The following CLASP1 variants were observed in gnomAD, a reference collection of about 807,000 sequenced individuals.
The protein encoded by CLASP1 is CLIP-associating protein 1.
In CLASP1, 38 loss-of-function variants were observed where a neutral mutation model predicts 192.3. The ratio of observed to expected loss-of-function variants is 0.20; its 90% CI spans 0.15 to 0.26. CLASP1 has a LOEUF of 0.26. Among genes scored for constraint, CLASP1 ranks in the 10% least tolerant of loss-of-function variants. The pLI is 1.00. For synonymous variants in CLASP1, 691 were observed against 712.8 expected (o/e 0.97, Z 0.49); for missense variants, 1,433 against 1,932.5 (o/e 0.74, Z 4.85).
chr2:121,558,553 G>T (rs1464997060), intron 2 of CLASP1, among the ~76,000 whole-genome samples: 3 of 152,164 alleles, frequency 2.0e-5, no homozygotes, highest in Admixed American at 6.5e-5. Context: ...AAGAGGAAGA[G>T]AAACCTGAGC....
At chr2:121,524,281 G>A (rs553238079) in intron 6 of CLASP1, among the ~76,000 whole-genome samples, 11 of 151,940 alleles carry the variant, frequency 7.2e-5, no homozygotes, top group African/African-American at 9.7e-5. Context: ...TTTTTCCCAC[G>A]GAAAACAAAA....
chr2:121,500,675 AAAG>A (rs1384470058), intron 8 of CLASP1, among the ~76,000 whole-genome samples: 1 of 152,226 alleles, frequency 6.6e-6, no homozygotes, highest in Non-Finnish European at 1.5e-5. Context: ...AATTTACTGT[AAAG>A]AGATGAAAAT....
intron 25 of CLASP1, among the ~76,000 whole-genome samples, chr2:121,406,704 C>T (rs1013223031): frequency 6.6e-6 from 1 of 152,132 alleles, no homozygotes; most frequent in African/African-American, 2.4e-5. Context: ...ATCCTCCTGC[C>T]TCAGCCTCCG....
At chr2:121,448,079 G>C (rs1353839967) in intron 18 of CLASP1, among the ~76,000 whole-genome samples, 197 bp downstream of exon 18, 2 of 152,234 alleles carry the variant, frequency 1.3e-5, no homozygotes, top group Non-Finnish European at 1.5e-5. Flanking sequence ...CCCCGTCAAT[G>C]TTGTCCTCAG....
At chr2:121,585,409 T>C (rs1406434013) in intron 2 of CLASP1, among the ~76,000 whole-genome samples, 1 of 152,108 alleles carries the variant, frequency 6.6e-6, no homozygotes, top group African/African-American at 2.4e-5. Context: ...GATGTGCAGG[T>C]ACAGAAAGCA....
chr2:121,353,058 G>A (rs1331466599), intron 37 of CLASP1, among the ~76,000 whole-genome samples: 1 of 152,186 alleles, frequency 6.6e-6, no homozygotes, highest in Non-Finnish European at 1.5e-5. Flanking sequence ...AGCCATACAT[G>A]GAGGCTCACA....
chr2:121,599,106 G>A (rs571350663), intron 2 of CLASP1, among the ~76,000 whole-genome samples: 5 of 151,648 alleles, frequency 3.3e-5, no homozygotes, highest in African/African-American at 9.7e-5. Context: ...CTCATGATCC[G>A]CCCACCTCGG....
chr2:121,626,661 G>C (rs1360338645), intron 1 of CLASP1, among the ~76,000 whole-genome samples: 2 of 152,080 alleles, frequency 1.3e-5, no homozygotes, highest in Non-Finnish European at 2.9e-5. Flanking sequence ...CTGGCCTCAA[G>C]TGATTCTCGC....
At chr2:121,514,523 C>CA (rs968789685) in intron 7 of CLASP1, among the ~76,000 whole-genome samples, 17 of 150,570 alleles carry the variant, frequency 1.1e-4, no homozygotes, top group Middle Eastern at 3.4e-3. Flanking sequence ...AAAAACAAAA[C>CA]AAAAAAAACT....
chr2:121,485,594 T>C (rs1043343028), intron 8 of CLASP1, among the ~76,000 whole-genome samples: 2 of 152,184 alleles, frequency 1.3e-5, no homozygotes, highest in African/African-American at 4.8e-5. Flanking sequence ...CTGGGTACGG[T>C]GGCTCACGCC....
intron 18 of CLASP1, 133 bp from the exon 19 acceptor site, chr2:121,447,640 G>GTTTGTCAGTTTTTT: frequency 1.3e-6 from 1 of 767,470 alleles, no homozygotes; most frequent in Non-Finnish European, 2.0e-6. Context: ...ATAAAAAACT[G>GTTTGTCAGTTTTTT]ACAAACAGTT....
At chr2:121,396,398 T>C (rs942028950) in intron 30 of CLASP1, among the ~76,000 whole-genome samples, 1 of 152,226 alleles carries the variant, frequency 6.6e-6, no homozygotes, top group Admixed American at 6.5e-5. Context: ...TGGCAATATA[T>C]CCAACGTTCT....
At chr2:121,645,834 G>A (rs1156358139) in intron 1 of CLASP1, among the ~76,000 whole-genome samples, 1 of 152,152 alleles carries the variant, frequency 6.6e-6, no homozygotes, top group Non-Finnish European at 1.5e-5. Flanking sequence ...ATAAGAATTT[G>A]GGGAGGAAAA....
intron 1 of CLASP1, among the ~76,000 whole-genome samples, chr2:121,621,353 T>C (rs1443281648): frequency 6.6e-6 from 1 of 152,210 alleles, no homozygotes; most frequent in Non-Finnish European, 1.5e-5. Context: ...CAGGCTGATC[T>C]TGAATTCCTG....
chr2:121,439,732 T>C (rs369400326), intron 19 of CLASP1, among the ~76,000 whole-genome samples: 20 of 151,276 alleles, frequency 1.3e-4, no homozygotes, highest in Middle Eastern at 3.4e-3. Flanking sequence ...GGCACATATA[T>C]ACCATGGAAT....
chr2:121,529,280 A>G (rs2094681100), intron 3 of CLASP1, among the ~76,000 whole-genome samples: 1 of 152,118 alleles, frequency 6.6e-6, no homozygotes, highest in Non-Finnish European at 1.5e-5. Flanking sequence ...CCCAGGGTGG[A>G]CCCTCCCACC....
intron 37 of CLASP1, among the ~76,000 whole-genome samples, chr2:121,359,490 T>C (rs1205313500): frequency 6.6e-6 from 1 of 152,200 alleles, no homozygotes. Flanking sequence ...GTACCAGCTC[T>C]AACAAACAGA....
At chr2:121,593,338 G>A (rs2062649822) in intron 2 of CLASP1, among the ~76,000 whole-genome samples, 1 of 152,168 alleles carries the variant, frequency 6.6e-6, no homozygotes, top group Non-Finnish European at 1.5e-5. Context: ...AGGAAACTAT[G>A]GCCGGGCACG....
chr2:121,586,640 A>T (rs908997197), intron 2 of CLASP1, among the ~76,000 whole-genome samples: 3 of 152,128 alleles, frequency 2.0e-5, no homozygotes, highest in African/African-American at 7.2e-5. Context: ...ATATGAATTT[A>T]AAAATAAAAA....
Sources: gnomAD v4.1 joint callset for allele counts (sites outside exome capture counted in the v4.1 genomes callset) on GRCh38, gnomAD v4.1.1 for gene constraint, MANE v1.5 for transcripts, NCBI Gene and HGNC (gene_info 2026-07-23, HGNC 2026-07-21) for gene names.